PRIM2: variants seen among roughly 807,000 people sequenced by gnomAD.
PRIM2 encodes the protein DNA primase large subunit.
In PRIM2, 39 loss-of-function variants were observed where a neutral mutation model predicts 67.3. The observed-to-expected ratio is 0.58, with a 90% CI of 0.45 to 0.76. PRIM2 has a LOEUF of 0.76. PRIM2 is among the 30% of genes least tolerant of loss of function. The pLI, the probability that PRIM2 is intolerant of heterozygous loss-of-function variation, is 0.00. For synonymous variants in PRIM2, 143 were observed against 198.7 expected (o/e 0.72, Z 2.36); for missense variants, 398 against 598.7 (o/e 0.66, Z 3.50).
chr6:57,520,324 C>T (rs1554348785), intron 8 of PRIM2, among the ~76,000 whole-genome samples: 3 of 152,082 alleles, frequency 2.0e-5, no homozygotes, highest in African/African-American at 4.8e-5. Context: ...ATCATTTTAA[C>T]GTATTAATTT....
intron 7 of PRIM2, among the ~76,000 whole-genome samples, chr6:57,468,125 T>C (rs1773249401): frequency 6.6e-6 from 1 of 152,186 alleles, no homozygotes; most frequent in African/African-American, 2.4e-5. Flanking sequence ...TTTATTTCTT[T>C]CTCTTGCCTG....
chr6:57,549,858 G>A (rs2127474516), intron 10 of PRIM2, among the ~76,000 whole-genome samples: 1 of 152,272 alleles, frequency 6.6e-6, no homozygotes, highest in African/African-American at 2.4e-5. Flanking sequence ...GGCCGAGGCG[G>A]GCAGATGACC....
intron 7 of PRIM2, among the ~76,000 whole-genome samples, chr6:57,460,939 A>G (rs1772983900): frequency 6.6e-6 from 1 of 152,240 alleles, no homozygotes; most frequent in South Asian, 2.1e-4. Flanking sequence ...TTAATGACAC[A>G]GATAAAAAAG....
intron 7 of PRIM2, among the ~76,000 whole-genome samples, chr6:57,483,838 A>G (rs1773683817): frequency 1.3e-5 from 2 of 152,224 alleles, no homozygotes; most frequent in African/African-American, 4.8e-5. Context: ...GTAAAGTGAA[A>G]TATTTATTTT....
intron 5 of PRIM2, among the ~76,000 whole-genome samples, chr6:57,373,909 G>T (rs1443467315): frequency 1.3e-5 from 2 of 152,026 alleles, no homozygotes; most frequent in African/African-American, 4.8e-5. Context: ...TTTTTGCTTA[G>T]GGTTGTCTTG....
At chr6:57,253,288 G>T in the PRIM2 span, among the ~76,000 whole-genome samples, 1 of 152,164 alleles carries the variant, frequency 6.6e-6, no homozygotes, top group Non-Finnish European at 1.5e-5. Context: ...TCCATTTAGA[G>T]AATGATCTCA....
At chr6:57,389,122 T>C (rs1770244604) in intron 7 of PRIM2, among the ~76,000 whole-genome samples, 1 of 152,130 alleles carries the variant, frequency 6.6e-6, no homozygotes, top group Non-Finnish European at 1.5e-5. Context: ...TTTTTATTTT[T>C]AGACAGGGTC....
At chr6:57,543,667 A>G (rs1328296254) in intron 10 of PRIM2, among the ~76,000 whole-genome samples, 10 of 152,132 alleles carry the variant, frequency 6.6e-5, no homozygotes, top group African/African-American at 2.4e-4. Context: ...CTAACTTCTA[A>G]TGCAGCTCTG....
intron 10 of PRIM2, among the ~76,000 whole-genome samples, chr6:57,542,643 T>C (rs1775187270): frequency 6.6e-6 from 1 of 152,068 alleles, no homozygotes; most frequent in South Asian, 2.1e-4. Context: ...ATAGTCTATA[T>C]TTTTATTAGC....
chr6:57,526,554 T>A (rs1774758196), intron 8 of PRIM2, among the ~76,000 whole-genome samples: 1 of 152,214 alleles, frequency 6.6e-6, no homozygotes. Flanking sequence ...TGACATAATT[T>A]GAATTTTGTG....
At chr6:57,478,769 G>GT (rs1244854358) in intron 7 of PRIM2, among the ~76,000 whole-genome samples, 4 of 152,118 alleles carry the variant, frequency 2.6e-5, no homozygotes, top group Admixed American at 6.6e-5. Context: ...TTCCTCATCT[G>GT]TAAAGTAGTT....
At chr6:57,535,425 A>G (rs1238105543) in intron 9 of PRIM2, among the ~76,000 whole-genome samples, 1 of 152,154 alleles carries the variant, frequency 6.6e-6, no homozygotes, top group Non-Finnish European at 1.5e-5. Flanking sequence ...TCATTTTATC[A>G]TTTATTTCAT....
intron 5 of PRIM2, among the ~76,000 whole-genome samples, chr6:57,369,894 C>G (rs1769488103): frequency 2.6e-5 from 4 of 152,128 alleles, no homozygotes; most frequent in African/African-American, 9.7e-5. Flanking sequence ...AGAAACTAAT[C>G]AAAATGTAAA....
chr6:57,294,543 T>C, the PRIM2 span, among the ~76,000 whole-genome samples: 2 of 151,852 alleles, frequency 1.3e-5, no homozygotes. Context: ...TATAGTATGA[T>C]TACAAGTGCA....
At chr6:57,638,111 A>G (rs1287991870) in intron 13 of PRIM2, among the ~76,000 whole-genome samples, 1 of 152,214 alleles carries the variant, frequency 6.6e-6, no homozygotes, top group Non-Finnish European at 1.5e-5. Context: ...TTCTTAAAGA[A>G]AAGAATTTTC....
At chr6:57,349,070 T>C (rs1037016991) in intron 5 of PRIM2, among the ~76,000 whole-genome samples, 61 of 152,078 alleles carry the variant, frequency 4.0e-4, no homozygotes, top group Non-Finnish European at 7.2e-4. Context: ...TATATTCATG[T>C]GAACAACAAC....
chr6:57,533,939 T>C (rs1774944625), intron 9 of PRIM2, among the ~76,000 whole-genome samples: 1 of 152,216 alleles, frequency 6.6e-6, no homozygotes, highest in Non-Finnish European at 1.5e-5. Flanking sequence ...GATCCTGTCA[T>C]GGGTCTGTGC....
chr6:57,360,226 CCTT>C (rs1769152978), intron 5 of PRIM2, among the ~76,000 whole-genome samples: 2 of 152,104 alleles, frequency 1.3e-5, no homozygotes, highest in Admixed American at 6.5e-5. Context: ...TTTAAAAACA[CCTT>C]CTTAAGTAGA....
At chr6:57,336,711 G>A (rs983373401) in intron 5 of PRIM2, among the ~76,000 whole-genome samples, 23 of 152,118 alleles carry the variant, frequency 1.5e-4, no homozygotes, top group African/African-American at 5.5e-4. Context: ...TGAAGGAAGT[G>A]CTAAACATGG....
Sources: gnomAD v4.1 joint callset for allele counts (sites outside exome capture counted in the v4.1 genomes callset) on GRCh38, gnomAD v4.1.1 for gene constraint, MANE v1.5 for transcripts, NCBI Gene and HGNC (gene_info 2026-07-23, HGNC 2026-07-21) for gene names.